The following MAML3 variants were observed in gnomAD, a reference collection of about 807,000 sequenced individuals.
MAML3 encodes mastermind-like protein 3.
Under a neutral mutation model 101.9 loss-of-function variants are expected in MAML3, and 27 were observed. The observed-to-expected ratio is 0.27, with a 90% CI of 0.20 to 0.37. The LOEUF (loss-of-function observed/expected upper bound fraction) is 0.37. Ranked by LOEUF, MAML3 falls within the 10% of genes least tolerant of loss-of-function variation. The pLI is 1.00. For missense variants in MAML3, 1,316 were observed against 1,444.9 expected (o/e 0.91, Z 1.45); for synonymous variants, 501 against 555.9 (o/e 0.90, Z 1.39).
chr4:139,966,235 T>C (rs1734128110), intron 1 of MAML3, among the ~76,000 whole-genome samples: 2 of 152,340 alleles, frequency 1.3e-5, no homozygotes, highest in Middle Eastern at 3.4e-3. Flanking sequence ...CATGTGTACC[T>C]GTTAACTCTT....
intron 2 of MAML3, among the ~76,000 whole-genome samples, chr4:139,742,827 T>C (rs1419745815): frequency 6.6e-6 from 1 of 152,226 alleles, no homozygotes; most frequent in Non-Finnish European, 1.5e-5. Flanking sequence ...GAGGAATAAA[T>C]CCACCTTTTT....
At chr4:140,051,911 C>T (rs1727275681) in intron 1 of MAML3, among the ~76,000 whole-genome samples, 2 of 152,112 alleles carry the variant, frequency 1.3e-5, no homozygotes, top group South Asian at 4.1e-4. Flanking sequence ...ACTGGGCCAC[C>T]AGAACCAGGC....
At chr4:140,055,877 G>A (rs1727341261) in intron 1 of MAML3, among the ~76,000 whole-genome samples, 1 of 151,270 alleles carries the variant, frequency 6.6e-6, no homozygotes, top group African/African-American at 2.4e-5. Context: ...AAAAAGGTAA[G>A]AAATACATTG....
chr4:139,787,432 C>T (rs1184523218), intron 2 of MAML3, among the ~76,000 whole-genome samples: 3 of 152,138 alleles, frequency 2.0e-5, no homozygotes, highest in Non-Finnish European at 4.4e-5. Flanking sequence ...TATTCCTGTT[C>T]TCTGTATCAC....
At chr4:139,863,323 T>TTCTGGC (rs1268827526) in intron 2 of MAML3, among the ~76,000 whole-genome samples, 1 of 151,016 alleles carries the variant, frequency 6.6e-6, no homozygotes, top group Non-Finnish European at 1.5e-5. Context: ...TCTGGCACAT[T>TTCTGGC]ACACACTTTT....
intron 1 of MAML3, among the ~76,000 whole-genome samples, chr4:139,972,685 C>T (rs1173280065): frequency 1.2e-4 from 18 of 152,182 alleles, no homozygotes; most frequent in Admixed American, 9.8e-4. Flanking sequence ...TTTATCTAAA[C>T]TCACAGAAGT....
chr4:139,924,935 T>C (rs17005232), intron 1 of MAML3, among the ~76,000 whole-genome samples: 1,753 of 152,204 alleles, frequency 0.012, 33 homozygotes, highest in African/African-American at 0.039. Context: ...TTACTGATGA[T>C]GGAAAAACCC....
At chr4:139,874,175 G>T (rs2111179655) in intron 2 of MAML3, among the ~76,000 whole-genome samples, 1 of 152,246 alleles carries the variant, frequency 6.6e-6, no homozygotes, top group South Asian at 2.1e-4. Context: ...AACAATGAGG[G>T]TACTGTAAGG....
intron 2 of MAML3, among the ~76,000 whole-genome samples, chr4:139,805,429 C>T (rs1730683788): frequency 1.3e-5 from 2 of 152,116 alleles, no homozygotes; most frequent in South Asian, 2.1e-4. Flanking sequence ...GCTGGGTTTT[C>T]TCATAGTCTA....
At chr4:140,059,165 G>T (rs1727402339) in intron 1 of MAML3, among the ~76,000 whole-genome samples, 1 of 152,194 alleles carries the variant, frequency 6.6e-6, no homozygotes, top group South Asian at 2.1e-4. Flanking sequence ...AAGAAGCAAA[G>T]AAACAGGTAC....
intron 1 of MAML3, among the ~76,000 whole-genome samples, chr4:140,042,681 T>C (rs1190928714): frequency 6.6e-6 from 1 of 152,064 alleles, no homozygotes; most frequent in Non-Finnish European, 1.5e-5. Context: ...AAGGTTGATG[T>C]CTCATTTGTC....
intron 1 of MAML3, among the ~76,000 whole-genome samples, chr4:140,120,231 C>A (rs1359280099): frequency 3.5e-5 from 3 of 86,660 alleles, no homozygotes; most frequent in African/African-American, 9.6e-5. Context: ...AGCGAGACTC[C>A]GTCTCAAAAA....
At chr4:140,087,030 C>A (rs1304907124) in intron 1 of MAML3, among the ~76,000 whole-genome samples, 1 of 152,096 alleles carries the variant, frequency 6.6e-6, no homozygotes, top group African/African-American at 2.4e-5. Context: ...CATAGTGGTG[C>A]GTGCCTGTAA....
chr4:140,095,408 T>C (rs543530591), intron 1 of MAML3, among the ~76,000 whole-genome samples: 2 of 152,254 alleles, frequency 1.3e-5, no homozygotes, highest in East Asian at 3.9e-4. Flanking sequence ...CTCTCCCACT[T>C]GACCCCCAAT....
At chr4:139,799,997 T>A (rs1415274175) in intron 2 of MAML3, among the ~76,000 whole-genome samples, 1 of 152,152 alleles carries the variant, frequency 6.6e-6, no homozygotes, top group Non-Finnish European at 1.5e-5. Context: ...AAAGCTTAAA[T>A]CTTTGCATGA....
At chr4:140,106,115 G>GAAAAAAAAAAAAAAAA (rs59770042) in intron 1 of MAML3, among the ~76,000 whole-genome samples, 2 of 90,072 alleles carry the variant, frequency 2.2e-5, no homozygotes, top group African/African-American at 8.7e-5. Flanking sequence ...CTGACTTCAA[G>GAAAAAAAAAAAAAAAA]AAAAAAAAAA....
At chr4:139,987,252 T>G (rs1282267993) in intron 1 of MAML3, among the ~76,000 whole-genome samples, 2 of 152,186 alleles carry the variant, frequency 1.3e-5, no homozygotes, top group Non-Finnish European at 2.9e-5. Context: ...TATAAATATT[T>G]TGGCATCATA....
intron 1 of MAML3, among the ~76,000 whole-genome samples, chr4:140,122,783 C>T (rs191275772): frequency 0.08 from 6,681 of 83,330 alleles, 219 homozygotes; most frequent in Non-Finnish European, 0.11. Flanking sequence ...CAGAGCGAGA[C>T]TCCGTCTCAA....
Position 139,777,530 on chromosome 4 carries a change from T to G in MAML3, c.2080-46863A>C, listed in dbSNP as rs188871168. Among the ~76,000 whole-genome samples the G allele has an allele frequency of 9.0e-4, 137 of 152,292 alleles. 1 individual carries two copies. Among genetic ancestry groups the G allele is most frequent in the Admixed American group, 3.3e-3 (50 of 15,298 alleles). The stretch of plus-strand genomic sequence containing the variant: ...CTCCAGACACCTGCTTTAAAACATT[T>G]ATATTTATTTATCTGAGACATGGTT... On this transcript the variant is annotated intron_variant, in intron 2 of 4. Transcript: ENST00000509479.
Sources: gnomAD v4.1 joint callset for allele counts (sites outside exome capture counted in the v4.1 genomes callset) on GRCh38, gnomAD v4.1.1 for gene constraint, MANE v1.5 for transcripts, NCBI Gene and HGNC (gene_info 2026-07-23, HGNC 2026-07-21) for gene names.